SYT14: variants seen among roughly 807,000 people sequenced by gnomAD.
SYT14 encodes synaptotagmin-14.
In SYT14, 32 loss-of-function variants were observed where a neutral mutation model predicts 74.2. That is an observed-to-expected ratio of 0.43 (90% CI 0.33 to 0.58). The LOEUF (loss-of-function observed/expected upper bound fraction) is 0.58, where lower values mean the gene tolerates loss of function less well. Among genes scored for constraint, SYT14 ranks in the 20% least tolerant of loss-of-function variants. SYT14 has a pLI of 0.05. For synonymous variants in SYT14, 298 were observed against 337.7 expected, an observed-to-expected ratio of 0.88 and a Z score of 1.29; for missense variants, 791 against 981.8, an observed-to-expected ratio of 0.81 and a Z score of 2.60.
intron 2 of SYT14, among the ~76,000 whole-genome samples, chr1:210,002,375 G>A (rs1368654934): frequency 2.6e-5 from 4 of 151,790 alleles, no homozygotes. Flanking sequence ...TGCCTGTTTT[G>A]AACTTTATAT....
At chr1:210,028,098 A>G (rs1432563175) in intron 5 of SYT14, among the ~76,000 whole-genome samples, 1 of 152,030 alleles carries the variant, frequency 6.6e-6, no homozygotes, top group Non-Finnish European at 1.5e-5. Context: ...CCAATATTCT[A>G]CTTTCTGTCT....
chr1:210,028,790 G>C (rs1572181412), intron 5 of SYT14, among the ~76,000 whole-genome samples: 2 of 152,124 alleles, frequency 1.3e-5, no homozygotes, highest in East Asian at 3.9e-4. Context: ...TATGGACCCA[G>C]AAATGAAATT....
intron 5 of SYT14, among the ~76,000 whole-genome samples, chr1:210,030,943 T>C (rs76397593): frequency 1.8e-4 from 27 of 148,874 alleles, no homozygotes; most frequent in African/African-American, 6.6e-4. Flanking sequence ...TTTTGTTTTG[T>C]TGAGACAGGT....
chr1:210,059,451 T>TATATATATATAGAGAGAG (rs377050610), intron 5 of SYT14, among the ~76,000 whole-genome samples: 82 of 69,894 alleles, frequency 1.2e-3, no homozygotes, highest in South Asian at 1.8e-3. Context: ...TATATATATA[T>TATATATATATAGAGAGAG]AGAGAGAGAG....
At chr1:209,965,989 G>A in intron 2 of SYT14, 1 of 451,982 alleles carries the variant, frequency 2.2e-6, no homozygotes, top group Admixed American at 2.4e-5. Flanking sequence ...TTCTGCCTCA[G>A]CATCCCAAGT....
chr1:210,010,978 T>TAGA (rs2080076384), intron 2 of SYT14, among the ~76,000 whole-genome samples: 1 of 152,202 alleles, frequency 6.6e-6, no homozygotes, highest in South Asian at 2.1e-4. Context: ...CTGTATGGTT[T>TAGA]TGTGCTATTT....
rs955751647 is a variant in SYT14 at position 210,078,340 on chromosome 1, G to T, written c.1313-15982G>T. Among the ~76,000 whole-genome samples the T allele has an allele frequency of 5.6e-4, 73 of 131,430 alleles. 5 individuals carry two copies. Among genetic ancestry groups the T allele is most frequent in the Non-Finnish European group, 1.6e-5 (1 of 62,092 alleles). The allele number at this position is 131,430 out of a possible 152,430, so 86.2% of individuals were successfully genotyped here. A position where few individuals can be genotyped will look rare whatever the true frequency, so the allele number is the denominator to read the frequency against. On this transcript the variant is annotated intron_variant, in intron 5 of 9. Transcript: ENST00000637265. ...AAAAAAAAAAAAAAAAAAAAAAAAT[G>T]CATCTATTTCAGGGAACTGTAAATG...
intron 5 of SYT14, among the ~76,000 whole-genome samples, chr1:210,084,759 T>G (rs2081688000): frequency 6.6e-6 from 1 of 152,234 alleles, no homozygotes; most frequent in Admixed American, 6.5e-5. Context: ...ACCAAAGCTG[T>G]CTTAATTTGC....
intron 4 of SYT14, among the ~76,000 whole-genome samples, chr1:210,018,368 C>T (rs974164972): frequency 3.3e-5 from 5 of 152,038 alleles, no homozygotes; most frequent in African/African-American, 4.8e-5. Context: ...CTCCTGACCT[C>T]GTGATCCACC....
chr1:210,081,861 C>T (rs943880736), intron 5 of SYT14, among the ~76,000 whole-genome samples: 1 of 152,082 alleles, frequency 6.6e-6, no homozygotes, highest in African/African-American at 2.4e-5. Flanking sequence ...TGAATTAAAA[C>T]CTGACAAGCA....
At chr1:210,133,885 G>A (rs1447698730) in intron 7 of SYT14, among the ~76,000 whole-genome samples, 1 of 149,732 alleles carries the variant, frequency 6.7e-6, no homozygotes, top group Non-Finnish European at 1.5e-5. Context: ...TAAAGTGTGG[G>A]GATGGACCAC....
intron 4 of SYT14, among the ~76,000 whole-genome samples, chr1:210,018,163 C>A (rs1007362229): frequency 1.3e-5 from 2 of 152,184 alleles, no homozygotes; most frequent in Non-Finnish European, 2.9e-5. Flanking sequence ...GAGACAGAGT[C>A]TTGCGCTGTC....
chr1:209,981,089 C>G (rs2079475729), intron 2 of SYT14, among the ~76,000 whole-genome samples: 1 of 152,078 alleles, frequency 6.6e-6, no homozygotes, highest in Non-Finnish European at 1.5e-5. Context: ...ATGGAATGTT[C>G]TTCCATTTGT....
chr1:210,087,411 G>C (rs1358667141), intron 5 of SYT14, among the ~76,000 whole-genome samples: 1 of 152,122 alleles, frequency 6.6e-6, no homozygotes, highest in East Asian at 1.9e-4. Context: ...CTATAGCTCT[G>C]ATACTTCTCA....
In SYT14 at chr1:210,115,272, A is replaced by G. The variant is rs1026502581; in HGVS notation, c.2034+14811A>G. Among the ~76,000 whole-genome samples the G allele has an allele frequency of 2.6e-5, 4 of 151,000 alleles. No homozygotes were observed. In the East Asian group the frequency reaches 7.7e-4, roughly 29 times the overall value. ...TGAGAACACAGGCTAAGGGAGAAGA[A>G]GGAGGAATGGAGGGTGGAAGGTTGT... is the stretch of plus-strand genomic sequence containing the variant. On this transcript the variant is annotated intron_variant, in intron 7 of 9. Transcript: ENST00000637265.
chr1:209,988,162 A>C (rs2079603199), intron 2 of SYT14, among the ~76,000 whole-genome samples: 1 of 151,876 alleles, frequency 6.6e-6, no homozygotes, highest in Non-Finnish European at 1.5e-5. Context: ...TGTTGTGTTT[A>C]TGCTTTCTGT....
At chr1:210,080,624 A>G (rs1273112293) in intron 5 of SYT14, among the ~76,000 whole-genome samples, 1 of 152,246 alleles carries the variant, frequency 6.6e-6, no homozygotes, top group Non-Finnish European at 1.5e-5. Flanking sequence ...ATTGTGATGT[A>G]GCAACTGCAT....
chr1:209,997,089 A>G (rs2079811348), intron 2 of SYT14, among the ~76,000 whole-genome samples: 1 of 152,112 alleles, frequency 6.6e-6, no homozygotes, highest in African/African-American at 2.4e-5. Context: ...CTCTTCTTCA[A>G]CACAGAACTG....
chr1:210,156,111 A>G (rs1361954618), intron 8 of SYT14, among the ~76,000 whole-genome samples: 1 of 152,206 alleles, frequency 6.6e-6, no homozygotes, highest in Non-Finnish European at 1.5e-5. Context: ...TAGTAAGGTG[A>G]CAACTTTTAA....
Sources: allele counts gnomAD v4.1 joint callset (sites outside exome capture counted in the v4.1 genomes callset), GRCh38; gene constraint gnomAD v4.1.1; transcripts MANE v1.5; gene names NCBI Gene and HGNC (gene_info 2026-07-23, HGNC 2026-07-21).